Variants in ELFN2 observed in about 807,000 individuals in gnomAD.
The protein encoded by ELFN2 is protein phosphatase 1 regulatory subunit 29.
ELFN2 carries 17 observed loss-of-function variants against 45.5 expected under a neutral mutation model. The ratio of observed to expected loss-of-function variants is 0.37; its 90% CI spans 0.26 to 0.56. The LOEUF is 0.56. ELFN2 is among the 20% of genes least tolerant of loss of function. ELFN2 has a pLI of 0.77. For missense variants in ELFN2, 922 were observed against 1,183.2 expected, an observed-to-expected ratio of 0.78 and a Z score of 3.24; for synonymous variants, 550 against 551.5, an observed-to-expected ratio of 1.00 and a Z score of 0.04.
chr22:37,388,777 G>A (rs919131661), intron 2 of ELFN2, among the ~76,000 whole-genome samples: 1 of 152,182 alleles, frequency 6.6e-6, no homozygotes, highest in Admixed American at 6.5e-5. Flanking sequence ...CTGTAAAGTG[G>A]GAAGGAGCCC....
At chr22:37,356,489 G>A (rs1442466300) in intron 1 of ELFN2, among the ~76,000 whole-genome samples, 1 of 152,204 alleles carries the variant, frequency 6.6e-6, no homozygotes, top group Admixed American at 6.5e-5. Context: ...CTTGGGGGGA[G>A]TCTTGTATGT....
intron 1 of ELFN2, among the ~76,000 whole-genome samples, chr22:37,425,549 C>T (rs1164771196): frequency 1.3e-5 from 2 of 151,720 alleles, no homozygotes; most frequent in Admixed American, 6.6e-5. Flanking sequence ...GAGCAACCTC[C>T]GACAAAACTG....
At chr22:37,384,027 C>T (rs1267962957) in intron 2 of ELFN2, among the ~76,000 whole-genome samples, 1 of 152,074 alleles carries the variant, frequency 6.6e-6, no homozygotes, top group African/African-American at 2.4e-5. Flanking sequence ...ACCCCAAAGC[C>T]CTGTCACCTG....
chr22:37,396,326 G>A lies in ELFN2; in HGVS notation c.-462-20330C>T, dbSNP rs9610732. Among the ~76,000 whole-genome samples, 430 of 152,322 alleles carry A rather than the reference G, an allele frequency of 2.8e-3. 2 individuals are homozygous for A. The highest frequency in any genetic ancestry group is 2.7e-3 in the Non-Finnish European group (182 of 68,024). On this transcript the variant is annotated intron_variant, in intron 2 of 2. Coordinates refer to ENST00000402918, the MANE Select transcript of ELFN2 (RefSeq NM_052906.5). ...GTATTGCACACCCCAAGGGTGGGACGAGGGCTGTGTCCCCACCATGTCCCC... is the reference window on the plus strand; with the variant it reads ...GTATTGCACACCCCAAGGGTGGGACAAGGGCTGTGTCCCCACCATGTCCCC...
At chr22:37,365,836 C>G (rs1454638289), downstream of ELFN2, among the ~76,000 whole-genome samples, 3 of 152,174 alleles carry the variant, frequency 2.0e-5, no homozygotes, top group African/African-American at 7.2e-5. Context: ...CCCTTCACCC[C>G]AGAAAAAATA....
At chr22:37,395,426 C>T (rs1200758619) in intron 2 of ELFN2, among the ~76,000 whole-genome samples, 1 of 152,152 alleles carries the variant, frequency 6.6e-6, no homozygotes, top group Non-Finnish European at 1.5e-5. Context: ...ATCTGAGACA[C>T]GAGGGATCAG....
At chr22:37,367,254 C>T (rs769984867), downstream of ELFN2, among the ~76,000 whole-genome samples, 1 of 152,228 alleles carries the variant, frequency 6.6e-6, no homozygotes, top group Non-Finnish European at 1.5e-5. Flanking sequence ...GGCGGTTCAG[C>T]CTGCAGTCCA....
chr22:37,379,261 G>A (rs1453207080), intron 2 of ELFN2, among the ~76,000 whole-genome samples: 1 of 152,178 alleles, frequency 6.6e-6, no homozygotes, highest in Non-Finnish European at 1.5e-5. Flanking sequence ...CCAGAGGCCC[G>A]GGAGACAATT....
chr22:37,393,582 C>T (rs533538938), intron 2 of ELFN2, among the ~76,000 whole-genome samples: 6 of 152,334 alleles, frequency 3.9e-5, no homozygotes, highest in South Asian at 4.1e-4. Context: ...GCCTGGACCA[C>T]GCCCCAGGCC....
At chr22:37,406,630 G>A (rs1262754679) in intron 2 of ELFN2, among the ~76,000 whole-genome samples, 1 of 152,246 alleles carries the variant, frequency 6.6e-6, no homozygotes, top group Non-Finnish European at 1.5e-5. Context: ...AAACTGGGGA[G>A]CGAGGGAAAC....
At chr22:37,361,412 C>T (rs1931084177) in intron 1 of ELFN2, among the ~76,000 whole-genome samples, 1 of 151,612 alleles carries the variant, frequency 6.6e-6, no homozygotes, top group African/African-American at 2.4e-5. Context: ...GAAGTTCCTG[C>T]CAGCCCCACT....
intron 2 of ELFN2, among the ~76,000 whole-genome samples, chr22:37,402,850 T>C (rs531450246): frequency 1.3e-5 from 2 of 152,206 alleles, no homozygotes; most frequent in South Asian, 4.1e-4. Flanking sequence ...ACCCGAGGCA[T>C]GCCAAGCCAG....
intron 1 of ELFN2, among the ~76,000 whole-genome samples, chr22:37,423,225 G>A (rs986782347): frequency 1.4e-4 from 21 of 152,280 alleles, no homozygotes; most frequent in African/African-American, 4.8e-4. Flanking sequence ...ATCTCTGTGG[G>A]GAATGGGATG....
At chr22:37,418,102 G>T (rs567691285) in intron 1 of ELFN2, among the ~76,000 whole-genome samples, 183 bp from the exon 2 acceptor site, 27 of 152,180 alleles carry the variant, frequency 1.8e-4, no homozygotes, top group South Asian at 6.2e-4. Context: ...AGACAGAGAG[G>T]AGGTAAAGGG....
chr22:37,367,724 G>C (rs1931237481), downstream of ELFN2, among the ~76,000 whole-genome samples: 2 of 152,224 alleles, frequency 1.3e-5, no homozygotes, highest in African/African-American at 2.4e-5. Flanking sequence ...CAACCCATCA[G>C]ACGGCGCAGT....
chr22:37,364,990 G>A (rs772143696), downstream of ELFN2, among the ~76,000 whole-genome samples: 6 of 152,214 alleles, frequency 3.9e-5, no homozygotes, highest in African/African-American at 4.8e-5. Context: ...GCAGATGGTG[G>A]GAGGGCACCA....
intron 2 of ELFN2, among the ~76,000 whole-genome samples, chr22:37,401,081 G>C (rs768594626): frequency 6.6e-6 from 1 of 152,252 alleles, no homozygotes. Context: ...CAGGGTACCA[G>C]GAATTACAAG....
intron 1 of ELFN2, among the ~76,000 whole-genome samples, chr22:37,350,255 A>C (rs1930791544): frequency 7.6e-6 from 1 of 130,806 alleles, no homozygotes; most frequent in African/African-American, 3.3e-5. Context: ...GTAGCAGCAT[A>C]AATGGCAAGA....
In ELFN2 at chr22:37,369,561, A is replaced by G. The variant is rs914270802; in HGVS notation, c.*3511T>C. The G allele has an allele frequency of 2.6e-5, 4 of 152,226 alleles. No homozygotes were observed. Among genetic ancestry groups the G allele is most frequent in the Non-Finnish European group, 5.9e-5 (4 of 68,040 alleles). The allele number at this position is 152,226 out of a possible 1,614,324, so 9.4% of individuals were successfully genotyped here. On this transcript the variant is annotated 3_prime_UTR_variant, in exon 3 of 3. Coordinates refer to ENST00000402918, the MANE Select transcript of ELFN2 (RefSeq NM_052906.5). ...CCGTGACGAGGTTTCCCCACCAACC[A>G]GGCTTTCTTGCCTTCATGCCAGACC...
Sources: allele counts gnomAD v4.1 joint callset (sites outside exome capture counted in the v4.1 genomes callset), GRCh38; gene constraint gnomAD v4.1.1; transcripts MANE v1.5; gene names NCBI Gene and HGNC (gene_info 2026-07-23, HGNC 2026-07-21).